The following SMYD3 variants were observed in gnomAD, a reference collection of about 807,000 sequenced individuals.
SMYD3 encodes the protein SET and MYND domain containing 3, also known as histone-lysine N-methyltransferase SMYD3.
Under a neutral mutation model 57.7 loss-of-function variants are expected in SMYD3, and 36 were observed. That is an observed-to-expected ratio of 0.62 (90% CI 0.48 to 0.82). The LOEUF (loss-of-function observed/expected upper bound fraction) is 0.82, where lower values mean the gene tolerates loss of function less well. Ranked by LOEUF, SMYD3 falls within the 40% of genes least tolerant of loss-of-function variation. The pLI is 0.00. For synonymous variants in SMYD3, 211 were observed against 195.0 expected (o/e 1.08, Z -0.68); for missense variants, 515 against 538.8 (o/e 0.96, Z 0.44).
At chr1:245,913,817 G>A (rs2055198307) in intron 8 of SMYD3, among the ~76,000 whole-genome samples, 1 of 152,010 alleles carries the variant, frequency 6.6e-6, no homozygotes, top group African/African-American at 2.4e-5. Flanking sequence ...GAGGGCAAAG[G>A]ATCTAAATAG....
intron 5 of SMYD3, among the ~76,000 whole-genome samples, chr1:246,144,663 C>T (rs1157221455): frequency 6.6e-6 from 1 of 152,146 alleles, no homozygotes; most frequent in Admixed American, 6.5e-5. Flanking sequence ...TAGCTGACAC[C>T]AACTGGCAAT....
At chr1:245,767,290 C>CT (rs34109783) in intron 10 of SMYD3, among the ~76,000 whole-genome samples, 1 of 152,148 alleles carries the variant, frequency 6.6e-6, no homozygotes, top group Non-Finnish European at 1.5e-5. Context: ...AAGCAGGAGT[C>CT]TGAGTGAGAA....
In SMYD3 at chr1:245,982,612, T is replaced by C. The variant is rs2058621448; in HGVS notation, c.532-52675A>G. On this transcript the variant is annotated intron_variant, in intron 5 of 11. Transcript: ENST00000490107. ...ATTCAGGTTTTGTTTTGTTTTTTAC[T>C]AATCCCCTTCTAAACCCACTTAATT... 2.0e-5 allele frequency among the ~76,000 whole-genome samples: 3 copies of C among 152,376 alleles called. No homozygotes were observed. The South Asian group carries it at 6.2e-4, about 32-fold the overall frequency.
chr1:246,116,494 CCTT>C (rs1314480694), intron 5 of SMYD3, among the ~76,000 whole-genome samples: 2 of 152,194 alleles, frequency 1.3e-5, no homozygotes, highest in African/African-American at 4.8e-5. Flanking sequence ...CTCAATGACT[CCTT>C]CTTTTAACTT....
chr1:246,348,798 A>T (rs111611586), intron 2 of SMYD3, among the ~76,000 whole-genome samples: 29 of 152,094 alleles, frequency 1.9e-4, no homozygotes, highest in African/African-American at 5.3e-4. Flanking sequence ...ATAAAAATAA[A>T]TTTTTTTCTT....
At chr1:246,417,083 C>T (rs2067075201) in intron 1 of SMYD3, among the ~76,000 whole-genome samples, 1 of 152,160 alleles carries the variant, frequency 6.6e-6, no homozygotes, top group Non-Finnish European at 1.5e-5. Flanking sequence ...TACAGTTCCT[C>T]CCTCAACTTC....
chr1:246,033,766 A>G (rs6680336), intron 5 of SMYD3, among the ~76,000 whole-genome samples: 78,639 of 151,778 alleles, frequency 0.52, 23,022 homozygotes, highest in East Asian at 0.96. Flanking sequence ...CAGCCTGGGC[A>G]ACAGAGTGAG....
At chr1:246,438,306 T>C (rs1185904103) in intron 1 of SMYD3, among the ~76,000 whole-genome samples, 1 of 152,258 alleles carries the variant, frequency 6.6e-6, no homozygotes, top group Non-Finnish European at 1.5e-5. Flanking sequence ...CTCTTATTTA[T>C]ATATTTCTTC....
intron 5 of SMYD3, among the ~76,000 whole-genome samples, chr1:246,036,758 G>T (rs113061784): frequency 0.058 from 8,551 of 146,558 alleles, 287 homozygotes; most frequent in African/African-American, 0.068. Context: ...TAGAGATGGG[G>T]TTTCACCATC....
chr1:245,929,808 G>C, intron 6 of SMYD3, 62 bp downstream of exon 6: 1 of 1,348,902 alleles, frequency 7.4e-7, no homozygotes, highest in Non-Finnish European at 1.1e-6. Context: ...CCTCCAAAGG[G>C]CTGGGGATTT....
intron 5 of SMYD3, among the ~76,000 whole-genome samples, chr1:246,058,149 A>G (rs764320340): frequency 6.6e-6 from 1 of 152,218 alleles, no homozygotes; most frequent in Non-Finnish European, 1.5e-5. Flanking sequence ...CCATAAAGGT[A>G]AATACATATC....
intron 5 of SMYD3, among the ~76,000 whole-genome samples, chr1:246,247,455 C>CA (rs2063724318): frequency 1.1e-5 from 1 of 94,578 alleles, no homozygotes; most frequent in African/African-American, 4.1e-5. Context: ...CTCTCTCTCT[C>CA]TCTCTCTCTC....
chr1:246,032,992 G>A (rs767861407), intron 5 of SMYD3, among the ~76,000 whole-genome samples: 1 of 152,176 alleles, frequency 6.6e-6, no homozygotes, highest in Non-Finnish European at 1.5e-5. Flanking sequence ...GCTGCAAGTT[G>A]CAAGCTAAAC....
intron 5 of SMYD3, among the ~76,000 whole-genome samples, chr1:246,027,777 A>G (rs900535330): frequency 2.6e-5 from 4 of 152,220 alleles, no homozygotes; most frequent in African/African-American, 9.6e-5. Flanking sequence ...ATCAAGGAGT[A>G]ATTCAACTTT....
intron 1 of SMYD3, among the ~76,000 whole-genome samples, chr1:246,446,672 T>A (rs552178004): frequency 9.8e-5 from 15 of 152,306 alleles, no homozygotes; most frequent in Non-Finnish European, 2.1e-4. Context: ...CCTATGTAAC[T>A]TGAGGCATCT....
rs191065244 is a variant in SMYD3 at position 246,028,441 on chromosome 1, T to C, written c.532-98504A>G. ...ACAAAACTATACATCAATAACGAAGTAGTGAAAAAAGAAATTAGAAAAGCA... is the reference window on the plus strand; with the variant it reads ...ACAAAACTATACATCAATAACGAAGCAGTGAAAAAAGAAATTAGAAAAGCA... On this transcript the variant is annotated intron_variant, in intron 5 of 11. Coordinates refer to ENST00000490107, the MANE Select transcript of SMYD3 (RefSeq NM_001167740.2). 3.4e-3 allele frequency among the ~76,000 whole-genome samples: 514 copies of C among 152,170 alleles called. 3 individuals are homozygous for C. Among genetic ancestry groups the C allele is most frequent in the Non-Finnish European group, 5.2e-3 (353 of 67,976 alleles).
chr1:245,998,381 C>T (rs79016131), intron 5 of SMYD3, among the ~76,000 whole-genome samples: 14,675 of 152,264 alleles, frequency 0.096, 862 homozygotes, highest in African/African-American at 0.16. Flanking sequence ...AGTGACCTGA[C>T]TAGGGACTCA....
rs147393158 is a variant in SMYD3 at position 246,015,901 on chromosome 1, TG to T, written c.532-85965del. 5.6e-3 allele frequency among the ~76,000 whole-genome samples: 851 copies of T among 152,286 alleles called. 30 individuals are homozygous for T. In the East Asian group the frequency reaches 0.11, roughly 20 times the overall value. ...TCGAGTACCTGCTGGATTCCAATTT[TG>T]GGGGGTGTATACCTAGAAAGAGAAC... On this transcript the variant is annotated intron_variant, in intron 5 of 11. Transcript: ENST00000490107.
chr1:245,958,833 G>T (rs1482780036), intron 5 of SMYD3, among the ~76,000 whole-genome samples: 2 of 152,218 alleles, frequency 1.3e-5, no homozygotes, highest in African/African-American at 4.8e-5. Flanking sequence ...CCCTGGGGGA[G>T]TGGGCTATCT....
Sources: gnomAD v4.1 joint callset for allele counts (sites outside exome capture counted in the v4.1 genomes callset) on GRCh38, gnomAD v4.1.1 for gene constraint, MANE v1.5 for transcripts, NCBI Gene and HGNC (gene_info 2026-07-23, HGNC 2026-07-21) for gene names.